Variants in JPH1 observed in about 807,000 individuals in gnomAD.
JPH1 encodes junctophilin-1.
JPH1 carries 12 observed loss-of-function variants against 53.6 expected under a neutral mutation model. That is an observed-to-expected ratio of 0.22 (90% CI 0.14 to 0.36). JPH1 has a LOEUF of 0.36. Among genes scored for constraint, JPH1 ranks in the 10% least tolerant of loss-of-function variants. The pLI is 1.00. For synonymous variants in JPH1, 375 were observed against 363.8 expected (o/e 1.03, Z -0.35); for missense variants, 808 against 905.5 (o/e 0.89, Z 1.38).
In JPH1 at chr8:74,320,894, C is replaced by T. The variant is rs750465742; in HGVS notation, c.379+15G>A. On this transcript the variant is annotated intron_variant, in intron 1 of 5. Coordinates refer to ENST00000342232, the MANE Select transcript of JPH1 (RefSeq NM_020647.4). The surrounding 1 kb of genome is among the most constrained non-coding windows in gnomAD (Gnocchi z 4.4). ...CAGCTCGCGGAGCAGCCGAGCCGCC[C>T]GTTACGCCGCTCACCTCCGTCCCCG... The T allele has an allele frequency of 2.0e-6, 3 of 1,503,500 alleles. No homozygotes were observed. The highest frequency in any genetic ancestry group is 4.4e-5 in the Admixed American group (2 of 45,632). The allele number at this position is 1,503,500 out of a possible 1,614,324, so 93.1% of individuals were successfully genotyped here.
chr8:74,241,268 A>C (rs561126806), intron 4 of JPH1, among the ~76,000 whole-genome samples: 1 of 152,228 alleles, frequency 6.6e-6, no homozygotes, highest in Non-Finnish European at 1.5e-5. Context: ...AGTGGCAGAT[A>C]CCAAGCCCTG....
chr8:74,271,897 G>T (rs1404113263), intron 2 of JPH1, among the ~76,000 whole-genome samples: 2 of 152,148 alleles, frequency 1.3e-5, no homozygotes, highest in Non-Finnish European at 2.9e-5. Context: ...CTGGCAGACA[G>T]GGCTTCTTCC....
At chr8:74,274,597 C>T (rs1431488752) in intron 2 of JPH1, among the ~76,000 whole-genome samples, 2 of 152,144 alleles carry the variant, frequency 1.3e-5, no homozygotes, top group Non-Finnish European at 2.9e-5. Context: ...AGGGTATAAG[C>T]TCTTACCTGG....
chr8:74,237,933 T>C (rs1807047920), intron 4 of JPH1, among the ~76,000 whole-genome samples: 2 of 152,228 alleles, frequency 1.3e-5, no homozygotes, highest in African/African-American at 4.8e-5. Flanking sequence ...AATGAAGTTA[T>C]ATTTTACAAA....
In JPH1 at chr8:74,299,991, C is replaced by T. The variant is rs114173072; in HGVS notation, c.1139+14870G>A. ...ACCTTCAATATGTTCTTCTCGCCCT[C>T]GTTTTCACTTACGGAATTAAACAGT... On this transcript the variant is annotated intron_variant, in intron 2 of 5. Transcript: ENST00000342232. 8.5e-3 allele frequency among the ~76,000 whole-genome samples: 1,289 copies of T among 152,322 alleles called. 9 individuals are homozygous for T. The highest frequency in any genetic ancestry group is 0.03 in the African/African-American group (1,231 of 41,558).
rs75116740 is a variant in JPH1 at position 74,275,989 on chromosome 8, T to C, written c.1140-16486A>G. Among the ~76,000 whole-genome samples, 886 of 152,338 alleles carry C rather than the reference T, an allele frequency of 5.8e-3. 13 individuals are homozygous for C. The highest frequency in any genetic ancestry group is 0.02 in the African/African-American group (846 of 41,578). ...CCTAATTATGGTTCGAATTTGATTA[T>C]ATTGTATGCTTCCCTGTAATATTAT... On this transcript the variant is annotated intron_variant, in intron 2 of 5. Coordinates refer to ENST00000342232, the MANE Select transcript of JPH1 (RefSeq NM_020647.4).
intron 2 of JPH1, among the ~76,000 whole-genome samples, chr8:74,309,047 G>A (rs1261970556): frequency 6.6e-6 from 1 of 152,172 alleles, no homozygotes; most frequent in Admixed American, 6.5e-5. Flanking sequence ...GTTCCGAGCT[G>A]AACAGGGTGC....
chr8:74,304,068 C>T (rs1049273442), intron 2 of JPH1, among the ~76,000 whole-genome samples: 1 of 152,216 alleles, frequency 6.6e-6, no homozygotes, highest in Non-Finnish European at 1.5e-5. Flanking sequence ...TTGGTTCTCA[C>T]TCTGGATGCA....
At chr8:74,264,944 C>T (rs1405037043) in intron 2 of JPH1, among the ~76,000 whole-genome samples, 2 of 152,114 alleles carry the variant, frequency 1.3e-5, no homozygotes, top group Admixed American at 6.5e-5. Context: ...ACATGAACTA[C>T]GGGATCGATT....
At chr8:74,238,802 T>C (rs191322960) in intron 4 of JPH1, among the ~76,000 whole-genome samples, 2 of 152,222 alleles carry the variant, frequency 1.3e-5, no homozygotes, top group East Asian at 3.9e-4. Context: ...AGACCAACAG[T>C]GCGTGCTATC....
intron 2 of JPH1, among the ~76,000 whole-genome samples, chr8:74,311,806 T>C (rs1168129204): frequency 1.3e-5 from 2 of 151,934 alleles, no homozygotes; most frequent in Admixed American, 6.6e-5. Context: ...TTACTGAGAA[T>C]GATGAGTTCC....
chr8:74,262,866 C>T (rs1272412750), intron 2 of JPH1, among the ~76,000 whole-genome samples: 1 of 152,166 alleles, frequency 6.6e-6, no homozygotes, highest in African/African-American at 2.4e-5. Flanking sequence ...CCAGCTGCAA[C>T]AATAAATGGG....
At chr8:74,303,560 A>T (rs769706231) in intron 2 of JPH1, among the ~76,000 whole-genome samples, 4 of 152,046 alleles carry the variant, frequency 2.6e-5, no homozygotes, top group Admixed American at 6.6e-5. Context: ...ATAGGCTATC[A>T]CTTAGATCAC....
chr8:74,301,211 C>T (rs1031134858), intron 2 of JPH1, among the ~76,000 whole-genome samples: 3 of 152,140 alleles, frequency 2.0e-5, no homozygotes, highest in Admixed American at 6.5e-5. Context: ...GGCCTCCGGT[C>T]CTGGCCCCAC....
intron 1 of JPH1, among the ~76,000 whole-genome samples, chr8:74,319,683 A>G (rs1449992140): frequency 6.6e-6 from 1 of 152,232 alleles, no homozygotes; most frequent in Non-Finnish European, 1.5e-5. Flanking sequence ...TATATAAGCA[A>G]TGGTATAAAT....
chr8:74,280,567 A>G (rs1806983153), intron 2 of JPH1, among the ~76,000 whole-genome samples: 1 of 152,192 alleles, frequency 6.6e-6, no homozygotes, highest in African/African-American at 2.4e-5. Flanking sequence ...GCAGGAAGGG[A>G]AGGAACAGCA....
chr8:74,286,907 A>C (rs1186972863), intron 2 of JPH1, among the ~76,000 whole-genome samples: 1 of 152,230 alleles, frequency 6.6e-6, no homozygotes, highest in African/African-American at 2.4e-5. Flanking sequence ...ATAAAACACA[A>C]TCATTTCCCA....
intron 2 of JPH1, among the ~76,000 whole-genome samples, chr8:74,312,544 C>T (rs919802324): frequency 4.6e-5 from 7 of 152,324 alleles, no homozygotes; most frequent in African/African-American, 1.7e-4. Context: ...ACCATAGCAC[C>T]TGACCTTGAC....
intron 3 of JPH1, among the ~76,000 whole-genome samples, chr8:74,250,569 C>A (rs1040603321): frequency 6.6e-6 from 1 of 152,216 alleles, no homozygotes; most frequent in African/African-American, 2.4e-5. Context: ...CAACCCGTGG[C>A]CCAACACAAA....
Sources: gnomAD v4.1 joint callset for allele counts (sites outside exome capture counted in the v4.1 genomes callset) on GRCh38, gnomAD v4.1.1 for gene constraint, Gnocchi (gnomAD v3.1) non-coding constraint, MANE v1.5 for transcripts, NCBI Gene and HGNC (gene_info 2026-07-23, HGNC 2026-07-21) for gene names.